The following TMEM232 variants were observed in gnomAD, a reference collection of about 807,000 sequenced individuals.
TMEM232 encodes the protein transmembrane protein 232.
Under a neutral mutation model 78.8 loss-of-function variants are expected in TMEM232, and 80 were observed. That is an observed-to-expected ratio of 1.01 (90% CI 0.85 to 1.22). The LOEUF (loss-of-function observed/expected upper bound fraction) is 1.22, where lower values mean the gene tolerates loss of function less well. TMEM232 is among the 50% of genes most tolerant of loss of function. The pLI is 0.00. For missense variants in TMEM232, 881 were observed against 742.2 expected, an observed-to-expected ratio of 1.19 and a Z score of -2.17; for synonymous variants, 297 against 254.3, an observed-to-expected ratio of 1.17 and a Z score of -1.60.
intron 8 of TMEM232, among the ~76,000 whole-genome samples, chr5:110,613,927 A>G (rs985428235): frequency 5.9e-5 from 9 of 152,118 alleles, no homozygotes; most frequent in African/African-American, 2.2e-4. Flanking sequence ...TATTAACAGA[A>G]TAGTTAATCA....
At chr5:110,622,849 T>TGGGGGGGGGG (rs1783932283) in intron 7 of TMEM232, among the ~76,000 whole-genome samples, 1 of 58,988 alleles carries the variant, frequency 1.7e-5, no homozygotes, top group African/African-American at 6.4e-5. Context: ...TTGTGGGGTG[T>TGGGGGGGGGG]GGGGAGGGGG....
intron 2 of TMEM232, among the ~76,000 whole-genome samples, chr5:110,642,903 G>A (rs1427520277): frequency 1.3e-5 from 2 of 152,022 alleles, no homozygotes; most frequent in South Asian, 2.1e-4. Flanking sequence ...GAGAAGAGGC[G>A]TGGCATGATT....
chr5:110,478,554 G>A (rs1253133277), intron 12 of TMEM232, among the ~76,000 whole-genome samples: 1 of 151,824 alleles, frequency 6.6e-6, no homozygotes, highest in Non-Finnish European at 1.5e-5. Flanking sequence ...TTTTGCATGA[G>A]TATATATAAA....
At chr5:110,707,514 T>C (rs146404592) in intron 1 of TMEM232, among the ~76,000 whole-genome samples, 2 of 152,308 alleles carry the variant, frequency 1.3e-5, no homozygotes, top group East Asian at 3.9e-4. Flanking sequence ...AATTTGAGTT[T>C]CTTGGCAAGC....
chr5:110,580,054 G>A (rs952974612), intron 10 of TMEM232, among the ~76,000 whole-genome samples: 6 of 151,336 alleles, frequency 4.0e-5, no homozygotes, highest in Non-Finnish European at 8.9e-5. Flanking sequence ...GTCAAAAAAC[G>A]GTCACAATAG....
At chr5:110,680,595 T>C (rs529734920) in intron 1 of TMEM232, among the ~76,000 whole-genome samples, 1 of 152,174 alleles carries the variant, frequency 6.6e-6, no homozygotes, top group Non-Finnish European at 1.5e-5. Flanking sequence ...TAAACATTTT[T>C]CTATTATTGA....
At position 110,676,005 on chromosome 5, in the gene TMEM232, G is replaced by C. The variant is rs1248065212; in HGVS notation, c.-12-8641C>G. On this transcript the variant is annotated intron_variant, in intron 1 of 13. Coordinates refer to ENST00000455884, the MANE Select transcript of TMEM232 (RefSeq NM_001039763.4). ...TGATAGTTTTAGATTCTACGTATAA[G>C]TGAAAACATGGCATATTTTTCTTTC... 4.6e-5 allele frequency among the ~76,000 whole-genome samples: 7 copies of C among 152,164 alleles called. No homozygotes were observed. The East Asian group carries it at 1.2e-3, about 25-fold the overall frequency.
intron 11 of TMEM232, among the ~76,000 whole-genome samples, chr5:110,546,332 G>T (rs1183543982): frequency 2.0e-5 from 3 of 151,998 alleles, no homozygotes; most frequent in Admixed American, 6.6e-5. Flanking sequence ...ATAAATCGAA[G>T]TATTAAATTT....
chr5:110,676,731 T>TTTTATTTA (rs146657284), intron 1 of TMEM232, among the ~76,000 whole-genome samples: 2,916 of 139,290 alleles, frequency 0.021, 39 homozygotes, highest in African/African-American at 0.038. Flanking sequence ...ACCCTTCATC[T>TTTTATTTA]TTTATTTATT....
At chr5:110,538,955 G>T (rs1254012716) in intron 11 of TMEM232, among the ~76,000 whole-genome samples, 1 of 152,084 alleles carries the variant, frequency 6.6e-6, no homozygotes, top group Non-Finnish European at 1.5e-5. Flanking sequence ...TTGTCAATTT[G>T]AGAAACAAAT....
At chr5:110,441,731 G>A (rs1759065088) in intron 12 of TMEM232, among the ~76,000 whole-genome samples, 1 of 152,140 alleles carries the variant, frequency 6.6e-6, no homozygotes, top group African/African-American at 2.4e-5. Flanking sequence ...AATGAGGATG[G>A]ACTTTGGCTA....
At chr5:110,406,265 T>TACAC (rs70999966) in intron 2 of TMEM232, among the ~76,000 whole-genome samples, 20,003 of 143,432 alleles carry the variant, frequency 0.14, 1,591 homozygotes, top group Non-Finnish European at 0.19. Context: ...CAGATATATA[T>TACAC]ACACACACAC....
intron 12 of TMEM232, among the ~76,000 whole-genome samples, chr5:110,506,786 A>G (rs1304528926): frequency 6.6e-6 from 1 of 152,200 alleles, no homozygotes; most frequent in Non-Finnish European, 1.5e-5. Flanking sequence ...TGACTGTGGG[A>G]AGGAGATAAA....
intron 5 of TMEM232, among the ~76,000 whole-genome samples, chr5:110,633,952 A>C (rs553665293): frequency 2.0e-5 from 3 of 152,310 alleles, no homozygotes; most frequent in African/African-American, 4.8e-5. Context: ...TGCCTATAAG[A>C]AATGCACCTT....
chr5:110,486,162 C>T (rs573007828), intron 12 of TMEM232, among the ~76,000 whole-genome samples: 13 of 150,972 alleles, frequency 8.6e-5, no homozygotes, highest in Admixed American at 2.0e-4. Context: ...CACTTTTTAA[C>T]GGGAGGTTTT....
At chr5:110,457,840 C>A (rs932234032) in intron 12 of TMEM232, among the ~76,000 whole-genome samples, 2 of 151,738 alleles carry the variant, frequency 1.3e-5, no homozygotes, top group African/African-American at 4.8e-5. Context: ...GGAATTATTC[C>A]AACTTTTAAT....
intron 12 of TMEM232, among the ~76,000 whole-genome samples, chr5:110,493,786 T>C (rs1007401089): frequency 1.1e-4 from 17 of 149,760 alleles, no homozygotes; most frequent in Non-Finnish European, 2.2e-4. Flanking sequence ...CCAAATATCT[T>C]TTTTTTTTTA....
At chr5:110,610,985 A>G (rs1176683637) in intron 8 of TMEM232, among the ~76,000 whole-genome samples, 1 of 152,192 alleles carries the variant, frequency 6.6e-6, no homozygotes, top group Non-Finnish European at 1.5e-5. Flanking sequence ...CAGTTTAAGA[A>G]AGGAAAATCC....
intron 2 of TMEM232, among the ~76,000 whole-genome samples, chr5:110,404,558 G>C (rs1411736067): frequency 1.3e-5 from 2 of 151,988 alleles, no homozygotes; most frequent in African/African-American, 4.8e-5. Flanking sequence ...TTATGGAAAA[G>C]AATATAAAAC....
Sources: allele counts gnomAD v4.1 joint callset (sites outside exome capture counted in the v4.1 genomes callset), GRCh38; gene constraint gnomAD v4.1.1; transcripts MANE v1.5; gene names NCBI Gene and HGNC (gene_info 2026-07-23, HGNC 2026-07-21).